The following CARS1 variants were observed in gnomAD, a reference collection of about 807,000 sequenced individuals.
CARS1 encodes cysteinyl-tRNA synthetase 1, also known as cysteine--tRNA ligase, cytoplasmic.
Under a neutral mutation model 106.2 loss-of-function variants are expected in CARS1, and 48 were observed. The observed-to-expected ratio is 0.45, with a 90% CI of 0.36 to 0.57. The LOEUF is 0.57. Among genes scored for constraint, CARS1 ranks in the 20% least tolerant of loss-of-function variants. CARS1 has a pLI of 0.00. For synonymous variants in CARS1, 409 were observed against 403.4 expected (o/e 1.01, Z -0.17); for missense variants, 968 against 1,057.2 (o/e 0.92, Z 1.17).
intron 10 of CARS1, among the ~76,000 whole-genome samples, chr11:3,023,599 T>G (rs1046067748): frequency 3.9e-5 from 6 of 152,208 alleles, no homozygotes; most frequent in Non-Finnish European, 8.8e-5. Flanking sequence ...CTCACTACAT[T>G]GCCCACGATG....
In CARS1 at chr11:3,045,496, C is replaced by T. The variant is rs1430317318; in HGVS notation, c.274+2257G>A. 1.3e-5 allele frequency among the ~76,000 whole-genome samples: 2 copies of T among 152,330 alleles called. No homozygotes were observed. Among genetic ancestry groups the T allele is most frequent in the Middle Eastern group, 3.4e-3 (1 of 294 alleles). ...AGCGAGCATGGTCTCAATCTCCTGA[C>T]CTCGTGATCCGCCCGCCTTGGCCTC... is the stretch of plus-strand genomic sequence containing the variant. On this transcript the variant is annotated intron_variant, in intron 2 of 22. Coordinates refer to ENST00000380525, the MANE Select transcript of CARS1 (RefSeq NM_001014437.3). This position sits in a 1 kb window ranked among gnomAD's most constrained non-coding sequence, Gnocchi z 5.6.
At chr11:3,002,487 G>A in intron 21 of CARS1, 54 bp downstream of exon 21, 1 of 1,607,980 alleles carries the variant, frequency 6.2e-7, no homozygotes, top group Non-Finnish European at 8.5e-7. Context: ...AGGGCATGGG[G>A]TCAGGGTGCA....
At position 3,037,604 on chromosome 11, in the gene CARS1, G is replaced by C. The variant is rs1304110867; in HGVS notation, c.801+446C>G. ...GAAGGAGATATTGGCAGGGGCAGGA[G>C]AGCTGGTCAACGTGAAGGCCCCAAG... On this transcript the variant is annotated intron_variant, in intron 7 of 22. Coordinates refer to ENST00000380525, the MANE Select transcript of CARS1 (RefSeq NM_001014437.3). The surrounding 1 kb of genome is among the most constrained non-coding windows in gnomAD (Gnocchi z 5.9). Among the ~76,000 whole-genome samples, 1 of 152,176 alleles carries C rather than the reference G, an allele frequency of 6.6e-6. No individual in the cohort carries two copies. The highest frequency in any genetic ancestry group is 1.5e-5 in the Non-Finnish European group (1 of 68,020).
chr11:3,022,229 A>G lies in CARS1; in HGVS notation c.1154-1897T>C, dbSNP rs1039226830. On this transcript the variant is annotated intron_variant, in intron 10 of 22. Transcript: ENST00000380525. This position sits in a 1 kb window ranked among gnomAD's most constrained non-coding sequence, Gnocchi z 4.9. ...AGAATCTCTAACCCTGGACCTTTTTACCAAGAACTGCTTAAGGTATTTTTT... is the reference window on the plus strand; with the variant it reads ...AGAATCTCTAACCCTGGACCTTTTTGCCAAGAACTGCTTAAGGTATTTTTT... Among the ~76,000 whole-genome samples the G allele has an allele frequency of 5.9e-5, 9 of 152,126 alleles. No homozygotes were observed. The highest frequency in any genetic ancestry group is 2.2e-4 in the African/African-American group (9 of 41,416).
At chr11:3,009,808 T>A (rs563807926) in intron 18 of CARS1, among the ~76,000 whole-genome samples, 2 of 152,316 alleles carry the variant, frequency 1.3e-5, no homozygotes, top group East Asian at 3.9e-4. Flanking sequence ...TCCCAGCTGA[T>A]CTGAGGGCCA....
rs960593308 is a variant in CARS1, at chr11:3,050,227, C to T, written c.26-2226G>A. On this transcript the variant is annotated intron_variant, in intron 1 of 22. Transcript: ENST00000380525. This position sits in a 1 kb window ranked among gnomAD's most constrained non-coding sequence, Gnocchi z 6.3. ...TAAAATGGCTTCCTGGGATGACTCT[C>T]GCTGGTGGGATGACGAGTGCAGCGT... 4.6e-5 allele frequency among the ~76,000 whole-genome samples: 7 copies of T among 152,138 alleles called. No homozygotes were observed. The highest frequency in any genetic ancestry group is 1.9e-4 in the East Asian group (1 of 5,180).
rs962996617 is a variant in CARS1, at chr11:3,008,880, A to C, written c.2069-1921T>G. ...CCTGGATAGCACCCTCATTAGAAGG[A>C]AGGCAAGCCAGCACCTGTGGTCACT... On this transcript the variant is annotated intron_variant, in intron 18 of 22. Transcript: ENST00000380525. The surrounding 1 kb of genome is among the most constrained non-coding windows in gnomAD (Gnocchi z 5.1). 2.6e-5 allele frequency: 4 copies of C among 152,228 alleles called. No homozygotes were observed. The highest frequency in any genetic ancestry group is 7.2e-5 in the African/African-American group (3 of 41,420). 9.4% of individuals were successfully genotyped at this position (152,228 alleles called of 1,614,324 possible).
chr11:3,025,711 T>A (rs1446682876), intron 10 of CARS1, among the ~76,000 whole-genome samples: 1 of 152,210 alleles, frequency 6.6e-6, no homozygotes, highest in Non-Finnish European at 1.5e-5. Context: ...TGTGGATGTG[T>A]CCCCAGATTC....
chr11:3,001,491 G>A (rs1051458694), intron 22 of CARS1, among the ~76,000 whole-genome samples: 1 of 152,172 alleles, frequency 6.6e-6, no homozygotes, highest in South Asian at 2.1e-4. Flanking sequence ...AAGGTGAGGG[G>A]CACTGTGCCC....
Position 3,039,120 on chromosome 11 carries a change from G to A in CARS1, c.651+74C>T. ...GCCTGTGAGACTGACACTACCCTAG[G>A]GACAGTAGCCTACAAAGGACCGAGA... On this transcript the variant is annotated intron_variant, in intron 6 of 22. Transcript: ENST00000380525. This position sits in a 1 kb window ranked among gnomAD's most constrained non-coding sequence, Gnocchi z 5.6. 2.2e-6 allele frequency: 2 copies of A among 926,938 alleles called. No homozygotes were observed. Among genetic ancestry groups the A allele is most frequent in the Non-Finnish European group, 3.5e-6 (2 of 568,222 alleles). 57.4% of individuals were successfully genotyped at this position (926,938 alleles called of 1,614,324 possible). A position where few individuals can be genotyped will look rare whatever the true frequency, so the allele number is the denominator to read the frequency against.
At position 3,046,933 on chromosome 11, in the gene CARS1, G is replaced by A. The variant is rs972574813; in HGVS notation, c.274+820C>T. On this transcript the variant is annotated intron_variant, in intron 2 of 22. Coordinates refer to ENST00000380525, the MANE Select transcript of CARS1 (RefSeq NM_001014437.3). The surrounding 1 kb of genome is among the most constrained non-coding windows in gnomAD (Gnocchi z 5.8). ...ACCAGCACCAACAGGCTGGAGCTAC[G>A]GGACAGACATCATCTCAAAGAGAAA... 1.3e-5 allele frequency among the ~76,000 whole-genome samples: 2 copies of A among 152,186 alleles called. No individual in the cohort carries two copies. The highest frequency in any genetic ancestry group is 4.8e-5 in the African/African-American group (2 of 41,434).
intron 1 of CARS1, chr11:3,054,785 G>A (rs776234652): frequency 3.0e-4 from 205 of 684,344 alleles, no homozygotes; most frequent in Non-Finnish European, 4.8e-4. Context: ...TTAGAGCAGT[G>A]CCTGGCACAG....
chr11:3,002,496 C>T (rs762818388), intron 21 of CARS1, 45 bp downstream of exon 21: 3 of 1,609,996 alleles, frequency 1.9e-6, no homozygotes, highest in South Asian at 2.2e-5. Flanking sequence ...GGTCAGGGTG[C>T]ACTCCTGCCC....
chr11:3,002,039 G>A lies in CARS1; in HGVS notation c.2292C>T (p.Ala764=). 6.2e-7 allele frequency: 1 copy of A among 1,613,338 alleles called. No homozygotes were observed. The highest frequency in any genetic ancestry group is 1.1e-5 in the South Asian group (1 of 91,070). ...TCTCACTGGGGGGAATCTTCATCTT[G>A]GCCAGCTTTGCTGCCTAGAACACGC... is the stretch of plus-strand genomic sequence containing the variant. ...RKQEQEAAKL[A]KMKIPPSEMF... Residue 764 remains alanine (A), a synonymous_variant, in exon 22 of 23, where the codon GCC becomes GCT. Transcript: ENST00000380525.
At chr11:3,036,228 A>G (rs558923305) in intron 7 of CARS1, among the ~76,000 whole-genome samples, 1 of 152,366 alleles carries the variant, frequency 6.6e-6, no homozygotes, top group East Asian at 1.9e-4. Context: ...TGTCACTGCT[A>G]CAAACCTTAG....
At chr11:3,016,476 GCCTC>G (rs1283746316) in intron 16 of CARS1, among the ~76,000 whole-genome samples, 1 of 152,128 alleles carries the variant, frequency 6.6e-6, no homozygotes, top group Non-Finnish European at 1.5e-5. Flanking sequence ...GCCCGCCTTG[GCCTC>G]CCAAAGTGCT....
In CARS1 at chr11:3,038,274, T is replaced by C. The variant is rs535399863; in HGVS notation, c.652-75A>G. Reference sequence around the variant, plus strand: ...CTAAATTCATAAAGGTGATTCCAGGTAGAAAACAGAACGGTTTTTCCCATG... The same window carrying C: ...CTAAATTCATAAAGGTGATTCCAGGCAGAAAACAGAACGGTTTTTCCCATG... On this transcript the variant is annotated intron_variant, in intron 6 of 22. Transcript: ENST00000380525. The surrounding 1 kb of genome is among the most constrained non-coding windows in gnomAD (Gnocchi z 4.0). The C allele has an allele frequency of 7.2e-5, 101 of 1,404,128 alleles. No individual in the cohort carries two copies. In the East Asian group the frequency reaches 2.2e-3, roughly 31 times the overall value. The allele number at this position is 1,404,128 out of a possible 1,614,324, so 87.0% of individuals were successfully genotyped here. A position where few individuals can be genotyped will look rare whatever the true frequency, so the allele number is the denominator to read the frequency against.
intron 17 of CARS1, among the ~76,000 whole-genome samples, chr11:3,014,472 C>A (rs1004923285): frequency 1.2e-4 from 19 of 152,216 alleles, no homozygotes; most frequent in Non-Finnish European, 1.9e-4. Flanking sequence ...CTGGGGGATG[C>A]GGATGCGTGT....
At position 3,048,308 on chromosome 11, in the gene CARS1, TTA is replaced by T. The variant is rs1310502465; in HGVS notation, c.26-309_26-308del. 7.0e-6 allele frequency: 2 copies of T among 287,660 alleles called. No homozygotes were observed. The highest frequency in any genetic ancestry group is 6.5e-6 in the Non-Finnish European group (1 of 153,128). The allele number at this position is 287,660 out of a possible 1,614,324, so 17.8% of individuals were successfully genotyped here. A position where few individuals can be genotyped will look rare whatever the true frequency, so the allele number is the denominator to read the frequency against. On this transcript the variant is annotated intron_variant, in intron 1 of 22. Coordinates refer to ENST00000380525, the MANE Select transcript of CARS1 (RefSeq NM_001014437.3). The surrounding 1 kb of genome is among the most constrained non-coding windows in gnomAD (Gnocchi z 5.1). Reference sequence around the variant, plus strand: ...ACCACAGAATTGTGTACTTTTCACTTTATGTCATATAAATTACTTAGTTTTTA... The same window carrying T: ...ACCACAGAATTGTGTACTTTTCACTTTGTCATATAAATTACTTAGTTTTTA...
Sources: allele counts gnomAD v4.1 joint callset (sites outside exome capture counted in the v4.1 genomes callset), GRCh38; gene constraint gnomAD v4.1.1; non-coding constraint Gnocchi (gnomAD v3.1); transcripts MANE v1.5; gene names NCBI Gene and HGNC (gene_info 2026-07-23, HGNC 2026-07-21).